ABCB9: variants seen among roughly 807,000 people sequenced by gnomAD.
ABCB9 encodes ATP binding cassette subfamily B member 9.
ABCB9 carries 36 observed loss-of-function variants against 62.0 expected under a neutral mutation model. The observed-to-expected ratio is 0.58, with a 90% CI of 0.45 to 0.77. The LOEUF (loss-of-function observed/expected upper bound fraction) is 0.77. ABCB9 is among the 30% of genes least tolerant of loss of function. The probability of loss-of-function intolerance (pLI) is 0.00; values close to 1 mark genes in which losing one functional copy is unlikely to be tolerated. For synonymous variants in ABCB9, 435 were observed against 461.4 expected (o/e 0.94, Z 0.73); for missense variants, 943 against 1,054.7 (o/e 0.89, Z 1.47).
chr12:122,923,231 G>A (rs1169487602), intron 11 of ABCB9, among the ~76,000 whole-genome samples: 3 of 151,988 alleles, frequency 2.0e-5, no homozygotes, highest in African/African-American at 7.3e-5. Flanking sequence ...GGCTCCTGAG[G>A]AGCTGAAACT....
rs1465045015 is a variant in ABCB9 at position 122,940,177 on chromosome 12, C to G, written c.1677G>C (p.Glu559Asp). ...VNILENFYPLEGGRVLLDGKP... is the reference protein window; with the variant it reads ...VNILENFYPLDGGRVLLDGKP... The stretch of plus-strand genomic sequence containing the variant: ...TGCCGTCCAGCAGCACCCGGCCCCC[C>G]TCCAGGGGGTAGAAGTTCTCCAGGA... Residue 559 changes from glutamate (E) to aspartate (D), a missense_variant, in exon 9 of 12, where the codon GAG becomes GAC. Coordinates refer to ENST00000280560, the MANE Select transcript of ABCB9 (RefSeq NM_019625.4). The surrounding 1 kb of genome is among the most constrained non-coding windows in gnomAD (Gnocchi z 4.8). 1.2e-6 allele frequency: 2 copies of G among 1,613,778 alleles called. No individual in the cohort carries two copies. Among genetic ancestry groups the G allele is most frequent in the Non-Finnish European group, 1.7e-6 (2 of 1,179,906 alleles).
intron 11 of ABCB9, among the ~76,000 whole-genome samples, chr12:122,923,668 CT>C (rs2135733414): frequency 6.6e-6 from 1 of 152,286 alleles, no homozygotes; most frequent in East Asian, 1.9e-4. Context: ...TCAGGGCCCC[CT>C]GACAGAGGAA....
At chr12:122,927,165 T>C (rs1268578051), downstream of ABCB9, among the ~76,000 whole-genome samples, 1 of 152,140 alleles carries the variant, frequency 6.6e-6, no homozygotes, top group Non-Finnish European at 1.5e-5. Context: ...TCTAAAATTA[T>C]TTCAAAATTA....
upstream of ABCB9, among the ~76,000 whole-genome samples, chr12:122,967,404 G>C (rs554309779): frequency 1.5e-4 from 23 of 152,350 alleles, 1 homozygote; most frequent in South Asian, 3.9e-3. Flanking sequence ...GGTCCATGTG[G>C]CCTGAACCGT....
At position 122,940,898 on chromosome 12, in the gene ABCB9, C is replaced by G; in HGVS notation, c.1478G>C (p.Gly493Ala). The G allele has an allele frequency of 6.2e-7, 1 of 1,612,306 alleles. No homozygotes were observed. Among genetic ancestry groups the G allele is most frequent in the African/African-American group, 1.3e-5 (1 of 75,018 alleles). ...CTCCAGGTGGTCGGGGGCCAAGCTGCCATCGTGCACCATGGTCGGCTGCCG... is the reference window on the plus strand; with the variant it reads ...CTCCAGGTGGTCGGGGGCCAAGCTGGCATCGTGCACCATGGTCGGCTGCCG... ...IDRQPTMVHDGSLAPDHLEGR... is the reference protein window; with the variant it reads ...IDRQPTMVHDASLAPDHLEGR... The change falls in exon 8 of 12, where the codon GGC becomes GCC. Residue 493 changes from glycine to alanine, a missense_variant. Coordinates refer to ENST00000280560, the MANE Select transcript of ABCB9 (RefSeq NM_019625.4). This position sits in a 1 kb window ranked among gnomAD's most constrained non-coding sequence, Gnocchi z 4.8.
intron 1 of ABCB9, among the ~76,000 whole-genome samples, chr12:122,961,490 C>T (rs2036904640): frequency 6.6e-6 from 1 of 152,080 alleles, no homozygotes; most frequent in African/African-American, 2.4e-5. Context: ...CTGTGCGGGG[C>T]CAGAGATCAA....
At chr12:122,965,742 T>C (rs1416830201) in intron 1 of ABCB9, among the ~76,000 whole-genome samples, 6 of 151,490 alleles carry the variant, frequency 4.0e-5, no homozygotes, top group Non-Finnish European at 7.4e-5. Context: ...TTTTTTTTTT[T>C]CCAGAGGCCC....
At chr12:122,958,584 A>G (rs909677467) in intron 2 of ABCB9, among the ~76,000 whole-genome samples, 2 of 152,188 alleles carry the variant, frequency 1.3e-5, no homozygotes, top group African/African-American at 4.8e-5. Flanking sequence ...TGCGCCTGTA[A>G]TCCCAGTGCT....
intron 2 of ABCB9, among the ~76,000 whole-genome samples, chr12:122,956,688 G>A (rs1042329549): frequency 2.6e-5 from 4 of 152,110 alleles, no homozygotes; most frequent in African/African-American, 9.7e-5. Flanking sequence ...ATCTGGCTAA[G>A]TTTTATATTT....
At chr12:122,950,804 T>G in intron 2 of ABCB9, 1 of 466,008 alleles carries the variant, frequency 2.1e-6, no homozygotes, top group South Asian at 3.2e-5. Flanking sequence ...TCTTTATTTA[T>G]AGTGGCTACC....
intron 1 of ABCB9, among the ~76,000 whole-genome samples, chr12:122,972,399 G>A (rs935274398): frequency 6.6e-6 from 1 of 152,168 alleles, no homozygotes; most frequent in Non-Finnish European, 1.5e-5. Flanking sequence ...TTCACTCAAG[G>A]GAATAGAAAG....
intron 11 of ABCB9, among the ~76,000 whole-genome samples, chr12:122,923,820 G>A (rs993224306): frequency 2.0e-5 from 3 of 152,162 alleles, no homozygotes; most frequent in African/African-American, 7.2e-5. Context: ...AAACCCTGAA[G>A]AGCCAGGGCC....
Position 122,929,805 on chromosome 12 carries a change from C to T in ABCB9, c.*106G>A. 8.4e-6 allele frequency: 12 copies of T among 1,431,478 alleles called. No homozygotes were observed. Among genetic ancestry groups the T allele is most frequent in the Non-Finnish European group, 1.1e-5 (12 of 1,094,446 alleles). 88.7% of individuals were successfully genotyped at this position (1,431,478 alleles called of 1,614,324 possible). A position where few individuals can be genotyped will look rare whatever the true frequency, so the allele number is the denominator to read the frequency against. ...CCATGGGACATGGCAGGTCGTCTTT[C>T]AGTGCTGCAGGCCTGGGCTCGGAGG... On this transcript the variant is annotated 3_prime_UTR_variant, in exon 12 of 12. Transcript: ENST00000280560. This position sits in a 1 kb window ranked among gnomAD's most constrained non-coding sequence, Gnocchi z 6.0.
chr12:122,954,199 T>C (rs1025959027), intron 2 of ABCB9, among the ~76,000 whole-genome samples: 7 of 151,888 alleles, frequency 4.6e-5, no homozygotes, highest in African/African-American at 1.7e-4. Context: ...CTCCATTTGT[T>C]TTTTATGTAT....
downstream of ABCB9, among the ~76,000 whole-genome samples, chr12:122,925,485 A>T (rs978439699): frequency 6.6e-6 from 1 of 152,142 alleles, no homozygotes; most frequent in East Asian, 1.9e-4. Flanking sequence ...GCGGTGGCTC[A>T]TGCCTGTAAT....
rs183786142 is a variant in ABCB9, at chr12:122,932,728, G to T, written c.1904-400C>A. Among the ~76,000 whole-genome samples the T allele has an allele frequency of 6.0e-4, 92 of 152,262 alleles. No individual in the cohort carries two copies. Among genetic ancestry groups the T allele is most frequent in the African/African-American group, 2.0e-3 (82 of 41,548 alleles). ...GGTTGTGTGTATTCACCACAGATGT[G>T]TGGCCTGTGGCCCCGCAAGCCCACC... On this transcript the variant is annotated intron_variant, in intron 10 of 11. Transcript: ENST00000280560. This position sits in a 1 kb window ranked among gnomAD's most constrained non-coding sequence, Gnocchi z 4.7.
chr12:122,968,514 G>A (rs1452248509), upstream of ABCB9, among the ~76,000 whole-genome samples: 1 of 152,146 alleles, frequency 6.6e-6, no homozygotes, highest in Non-Finnish European at 1.5e-5. Context: ...AAATCAACAG[G>A]AGCTGTCAGA....
downstream of ABCB9, among the ~76,000 whole-genome samples, chr12:122,919,353 G>A (rs1421005831): frequency 6.6e-6 from 1 of 151,914 alleles, no homozygotes. Flanking sequence ...TTAAATTTTT[G>A]TAGGGATGGG....
intron 1 of ABCB9, among the ~76,000 whole-genome samples, chr12:122,972,640 A>G (rs1344434491): frequency 2.0e-5 from 3 of 152,004 alleles, no homozygotes; most frequent in African/African-American, 7.3e-5. Context: ...CCTCCCGAGT[A>G]GCTGGGATTA....
Sources: allele counts gnomAD v4.1 joint callset (sites outside exome capture counted in the v4.1 genomes callset), GRCh38; gene constraint gnomAD v4.1.1; non-coding constraint Gnocchi (gnomAD v3.1); transcripts MANE v1.5; gene names NCBI Gene and HGNC (gene_info 2026-07-23, HGNC 2026-07-21).